IGSF9: variants seen among roughly 807,000 people sequenced by gnomAD.
IGSF9 encodes the protein protein turtle homolog A.
In IGSF9, 87 loss-of-function variants were observed where a neutral mutation model predicts 121.7. The ratio of observed to expected loss-of-function variants is 0.71; its 90% confidence interval spans 0.60 to 0.85. The LOEUF is 0.85. Ranked by LOEUF, IGSF9 falls within the 40% of genes least tolerant of loss-of-function variation. The pLI, the probability that IGSF9 is intolerant of heterozygous loss-of-function variation, is 0.00. For synonymous variants in IGSF9, 640 were observed against 648.4 expected (o/e 0.99, Z 0.20); for missense variants, 1,462 against 1,565.3 (o/e 0.93, Z 1.11).
intron 3 of IGSF9, among the ~76,000 whole-genome samples, chr1:159,940,458 A>C (rs1651338937): frequency 6.6e-6 from 1 of 152,222 alleles, no homozygotes. Flanking sequence ...CTCCACCTGC[A>C]GGGCTAAAGC....
chr1:159,943,754 G>A (rs1651490735), intron 1 of IGSF9, 126 bp from the exon 2 acceptor site: 3 of 352,120 alleles, frequency 8.5e-6, no homozygotes, highest in Non-Finnish European at 1.5e-5. Flanking sequence ...AGGGGTAGGG[G>A]GAAGGGGGGG....
At position 159,931,840 on chromosome 1, in the gene IGSF9, T is replaced by C. The variant is rs774430254; in HGVS notation, c.1334A>G (p.Asp445Gly). The change falls in exon 11 of 21, where the codon GAC becomes GGC. Residue 445 changes from aspartate (D) to glycine (G), a missense_variant. Around this residue, in one of 3 missense-constraint regions of IGSF9, gnomAD observed 558 missense variants for 599.4 expected, o/e 0.93. Transcript: ENST00000368094. This position sits in a 1 kb window ranked among gnomAD's most constrained non-coding sequence, Gnocchi z 4.8. Reference sequence around the variant, plus strand: ...GGTCCAAGAGACAACAGGAGGAGGGTCCCCTTGGGCGGAGCAGGGGATGAG... The same window carrying C: ...GGTCCAAGAGACAACAGGAGGAGGGCCCCCTTGGGCGGAGCAGGGGATGAG... ...ELLIPCSAQG[D>G]PPPVVSWTKV... 2.5e-6 allele frequency: 4 copies of C among 1,587,916 alleles called. No homozygotes were observed. In the African/African-American group the frequency reaches 4.1e-5, roughly 16 times the overall value.
At position 159,927,544 on chromosome 1, in the gene IGSF9, G is replaced by A. The variant is rs1650785590; in HGVS notation, c.3359-18C>T. 6.2e-7 allele frequency: 1 copy of A among 1,605,532 alleles called. No homozygotes were observed. Among genetic ancestry groups the A allele is most frequent in the African/African-American group, 1.3e-5 (1 of 74,730 alleles). On this transcript the variant is annotated intron_variant, in intron 20 of 20. Transcript: ENST00000368094. ...CTTCACACCTGCAAGAGGCGGGCAG[G>A]ACAATGAGAAGAAGCCCTGAGGTTC...
At position 159,937,836 on chromosome 1, in the gene IGSF9, G is replaced by GAT; in HGVS notation, c.249_250insAT (p.Arg84IlefsTer48). The GAT allele has an allele frequency of 6.2e-7, 1 of 1,613,254 alleles. No individual in the cohort carries two copies. Among genetic ancestry groups the GAT allele is most frequent in the Non-Finnish European group, 8.5e-7 (1 of 1,179,568 alleles). On this transcript the variant is annotated frameshift_variant and splice_region_variant, in exon 4 of 21. Coordinates refer to ENST00000368094, the MANE Select transcript of IGSF9 (RefSeq NM_001135050.2). LOFTEE classifies it high-confidence loss of function. ...GAGGCCCCCTTCTGCAGCCGGACTC[G>GAT]TCCTGGGGGAGGAGCCCTGAATCAA...
chr1:159,935,355 G>A (rs898144749), intron 6 of IGSF9, among the ~76,000 whole-genome samples: 2 of 152,148 alleles, frequency 1.3e-5, no homozygotes, highest in African/African-American at 4.8e-5. Context: ...ACCCAGCCCT[G>A]TGGACCCCTG....
At position 159,929,664 on chromosome 1, in the gene IGSF9, C is replaced by CGGGCAGCCCTGCGCCGGT; in HGVS notation, c.2282_2299dup (p.Ala766_Arg767insHisArgArgArgAlaAla). 1.3e-6 allele frequency: 2 copies of CGGGCAGCCCTGCGCCGGT among 1,593,844 alleles called. No individual in the cohort carries two copies. The highest frequency in any genetic ancestry group is 1.7e-6 in the Non-Finnish European group (2 of 1,171,948). On this transcript the variant is annotated inframe_insertion, in exon 17 of 21. Transcript: ENST00000368094. ...TTGGCGGAGGCGCTTGCGGCGGCGG[C>CGGGCAGCCCTGCGCCGGT]GGGCAGCCCTGCGCCGGTTCAGGAG...
intron 15 of IGSF9, 75 bp from the exon 16 acceptor site, chr1:159,930,050 G>C: frequency 6.4e-7 from 1 of 1,560,288 alleles, no homozygotes; most frequent in South Asian, 1.1e-5. Flanking sequence ...CGGAAAGACC[G>C]TGCACGTGGG....
intron 6 of IGSF9, 100 bp from the exon 7 acceptor site, chr1:159,934,922 C>G (rs1651134203): frequency 7.0e-7 from 1 of 1,423,234 alleles, no homozygotes; most frequent in African/African-American, 1.4e-5. Context: ...TCTCTGGAAT[C>G]TTAGGGCTCG....
Position 159,927,451 on chromosome 1 carries a change from AG to A in IGSF9, c.3433del (p.Leu1145PhefsTer39). ...VTGPEARCAALREEFLAFRRR... is the reference protein window; with the variant it reads ...VTGPEARCAAXREEFLAFRRR... ...GCGGAAGGCCAGGAATTCCTCCCGA[AG>A]GGCAGCACAGCGGGCCTCAGGGCCA... On this transcript the variant is annotated frameshift_variant, in exon 21 of 21. Transcript: ENST00000368094. LOFTEE classifies it high-confidence loss of function. 3 of 1,614,132 alleles carry A rather than the reference AG, an allele frequency of 1.9e-6. No individual in the cohort carries two copies. Among genetic ancestry groups the A allele is most frequent in the Non-Finnish European group, 2.5e-6 (3 of 1,180,038 alleles).
Position 159,932,244 on chromosome 1 carries a change from C to G in IGSF9, c.1245+268G>C. 1 of 577,792 alleles carries G rather than the reference C, an allele frequency of 1.7e-6. No individual in the cohort carries two copies. The highest frequency in any genetic ancestry group is 3.1e-6 in the Non-Finnish European group (1 of 325,276). 35.8% of individuals were successfully genotyped at this position (577,792 alleles called of 1,614,324 possible). A position where few individuals can be genotyped will look rare whatever the true frequency, so the allele number is the denominator to read the frequency against. On this transcript the variant is annotated intron_variant, in intron 10 of 20. Transcript: ENST00000368094. The surrounding 1 kb of genome is among the most constrained non-coding windows in gnomAD (Gnocchi z 4.1). ...CCTCCCAGAGCCCCAGAGAGGGAGG[C>G]AGCACGGTCAAGGTTAGTGAGAGTT...
At position 159,930,448 on chromosome 1, in the gene IGSF9, G is replaced by A. The variant is rs41264835; in HGVS notation, c.1814-9C>T. The A allele has an allele frequency of 1.3e-6, 2 of 1,527,540 alleles. No individual in the cohort carries two copies. Among genetic ancestry groups the A allele is most frequent in the Non-Finnish European group, 1.8e-6 (2 of 1,139,906 alleles). The allele number at this position is 1,527,540 out of a possible 1,614,324, so 94.6% of individuals were successfully genotyped here. A position where few individuals can be genotyped will look rare whatever the true frequency, so the allele number is the denominator to read the frequency against. ...TGGCGTGGTAGGAAGCCCTGCGTGG[G>A]ACAGAAAGGCAGGTCAGAGCAAGGA... On this transcript the variant is annotated splice_polypyrimidine_tract_variant and intron_variant, in intron 14 of 20. Transcript: ENST00000368094.
chr1:159,942,414 C>T (rs1323169777), intron 3 of IGSF9, among the ~76,000 whole-genome samples: 1 of 152,210 alleles, frequency 6.6e-6, no homozygotes, highest in African/African-American at 2.4e-5. Context: ...TACTCAGAAG[C>T]AGACTGAGTG....
At chr1:159,944,024 T>C (rs1158569710) in intron 1 of IGSF9, among the ~76,000 whole-genome samples, 1 of 152,110 alleles carries the variant, frequency 6.6e-6, no homozygotes, top group Non-Finnish European at 1.5e-5. Context: ...TGGCCTAGGC[T>C]GCTCTCGCTT....
chr1:159,932,371 G>T lies in IGSF9; in HGVS notation c.1245+141C>A. ...TCTGGGATGGCATCAGGCAGCTGCT[G>T]CCGTGGCCACCATGGGAAACAAACT... On this transcript the variant is annotated intron_variant, in intron 10 of 20. Coordinates refer to ENST00000368094, the MANE Select transcript of IGSF9 (RefSeq NM_001135050.2). This position sits in a 1 kb window ranked among gnomAD's most constrained non-coding sequence, Gnocchi z 4.1. 1.1e-6 allele frequency: 1 copy of T among 890,852 alleles called. No homozygotes were observed. Among genetic ancestry groups the T allele is most frequent in the Non-Finnish European group, 1.7e-6 (1 of 582,134 alleles). The allele number at this position is 890,852 out of a possible 1,614,324, so 55.2% of individuals were successfully genotyped here.
At chr1:159,929,101 T>C (rs12756336) in intron 18 of IGSF9, 83 bp from the exon 19 acceptor site, 2 of 1,457,738 alleles carry the variant, frequency 1.4e-6, no homozygotes, top group African/African-American at 2.8e-5. Flanking sequence ...AGAGGTTTGG[T>C]GAACAACAGA....
chr1:159,931,771 A>T lies in IGSF9; in HGVS notation c.1362+41T>A. On this transcript the variant is annotated intron_variant, in intron 11 of 20. Coordinates refer to ENST00000368094, the MANE Select transcript of IGSF9 (RefSeq NM_001135050.2). The surrounding 1 kb of genome is among the most constrained non-coding windows in gnomAD (Gnocchi z 4.8). ...GCTGGGGCACGAGAGGCAGGGGTGT[A>T]GTGGGCGTGGGTACAGGCAGAGCGG... The T allele has an allele frequency of 6.8e-7, 1 of 1,467,296 alleles. No individual in the cohort carries two copies. Among genetic ancestry groups the T allele is most frequent in the African/African-American group, 1.4e-5 (1 of 71,400 alleles). 90.9% of individuals were successfully genotyped at this position (1,467,296 alleles called of 1,614,324 possible).
At position 159,928,560 on chromosome 1, in the gene IGSF9, G is replaced by A. The variant is rs750580218; in HGVS notation, c.2828C>T (p.Pro943Leu). ...REMNVDGDWP[P>L]LEEPSPAAPP... ...TGCAGCAGGGCTGGGCTCCTCAAGC[G>A]GGGGCCAGTCCCCATCCACATTCAT... The change falls in exon 19 of 21, where the codon CCG becomes CTG. Residue 943 changes from proline to leucine, a missense_variant. By Grantham distance (98) the Pro-to-Leu change is moderately conservative. Around this residue, in one of 3 missense-constraint regions of IGSF9, gnomAD observed 808 missense variants for 815.2 expected, o/e 0.99. Transcript: ENST00000368094. 1.2e-5 allele frequency: 19 copies of A among 1,541,050 alleles called. No individual in the cohort carries two copies. Among genetic ancestry groups the A allele is most frequent in the Non-Finnish European group, 1.5e-5 (17 of 1,142,500 alleles).
chr1:159,934,773 G>C lies in IGSF9; in HGVS notation c.723C>G (p.Ser241=). Residue 241 remains serine, a synonymous_variant, in exon 7 of 21, where the codon TCC becomes TCG. Coordinates refer to ENST00000368094, the MANE Select transcript of IGSF9 (RefSeq NM_001135050.2). ...VPPKNSTVNA[S]QDVSLACHAE... ...CATGGCAGGCCAATGAAACATCCTG[G>C]GAGGCATTGACTGTGCTGTTCTTGG... 6.2e-7 allele frequency: 1 copy of C among 1,614,188 alleles called. No individual in the cohort carries two copies. Among genetic ancestry groups the C allele is most frequent in the Non-Finnish European group, 8.5e-7 (1 of 1,180,014 alleles).
Position 159,931,402 on chromosome 1 carries a change from C to T in IGSF9, c.1513+51G>A, listed in dbSNP as rs1446661842. 8 of 1,600,348 alleles carry T rather than the reference C, an allele frequency of 5.0e-6. No individual in the cohort carries two copies. The highest frequency in any genetic ancestry group is 3.4e-5 in the Admixed American group (2 of 59,252). The stretch of plus-strand genomic sequence containing the variant: ...GATCCTCTTTCTGGGCCTCCAAAAA[C>T]GATTCCCAAGTAGTTTCTCCCAGCC... On this transcript the variant is annotated intron_variant, in intron 12 of 20. Coordinates refer to ENST00000368094, the MANE Select transcript of IGSF9 (RefSeq NM_001135050.2). The surrounding 1 kb of genome is among the most constrained non-coding windows in gnomAD (Gnocchi z 4.8).
Sources: allele counts gnomAD v4.1 joint callset (sites outside exome capture counted in the v4.1 genomes callset), GRCh38; gene constraint gnomAD v4.1.1; regional missense constraint gnomAD v4.1.1; non-coding constraint Gnocchi (gnomAD v3.1); transcripts MANE v1.5; gene names NCBI Gene and HGNC (gene_info 2026-07-23, HGNC 2026-07-21).